PPP2R2B: variants seen among roughly 807,000 people sequenced by gnomAD.
PPP2R2B encodes serine/threonine-protein phosphatase 2A 55 kDa regulatory subunit B beta isoform.
A neutral mutation model predicts 46.0 loss-of-function variants in PPP2R2B; 5 were observed. The ratio of observed to expected loss-of-function variants is 0.11; its 90% CI spans 0.06 to 0.23. PPP2R2B has a LOEUF of 0.23. Ranked by LOEUF, PPP2R2B falls within the 10% of genes least tolerant of loss-of-function variation. PPP2R2B has a pLI of 1.00. For synonymous variants in PPP2R2B, 215 were observed against 206.7 expected, an observed-to-expected ratio of 1.04 and a Z score of -0.34; for missense variants, 367 against 575.0, an observed-to-expected ratio of 0.64 and a Z score of 3.70.
chr5:146,842,940 G>C (rs977649071), intron 2 of PPP2R2B, among the ~76,000 whole-genome samples: 1 of 152,236 alleles, frequency 6.6e-6, no homozygotes, highest in Non-Finnish European at 1.5e-5. Context: ...TGTAATCCCA[G>C]AACTTTGGGA....
intron 2 of PPP2R2B, among the ~76,000 whole-genome samples, chr5:146,716,855 G>A (rs1780526943): frequency 6.6e-6 from 1 of 152,190 alleles, no homozygotes; most frequent in Admixed American, 6.5e-5. Flanking sequence ...TGGTCTGAAT[G>A]TTGATAGATG....
intron 2 of PPP2R2B, among the ~76,000 whole-genome samples, chr5:146,736,826 G>A (rs1204437174): frequency 6.6e-6 from 1 of 152,084 alleles, no homozygotes; most frequent in South Asian, 2.1e-4. Context: ...TACATTTCTG[G>A]ATCACCTTTG....
At chr5:146,815,413 C>A (rs541780625) in intron 2 of PPP2R2B, among the ~76,000 whole-genome samples, 1 of 152,340 alleles carries the variant, frequency 6.6e-6, no homozygotes, top group South Asian at 2.1e-4. Flanking sequence ...TTTATCTTAG[C>A]AGGTTGCACA....
chr5:146,937,302 G>GAAA (rs202060447), intron 1 of PPP2R2B, among the ~76,000 whole-genome samples: 1 of 133,022 alleles, frequency 7.5e-6, no homozygotes, highest in African/African-American at 2.7e-5. Context: ...CTCCGTCTCA[G>GAAA]AAAAAAAAAA....
chr5:146,601,788 T>C (rs1438104817), intron 7 of PPP2R2B, among the ~76,000 whole-genome samples: 2 of 152,232 alleles, frequency 1.3e-5, no homozygotes, highest in African/African-American at 4.8e-5. Context: ...GGTCTGGACT[T>C]CTAGTGTAAC....
intron 1 of PPP2R2B, among the ~76,000 whole-genome samples, chr5:147,039,112 G>C (rs1019744366): frequency 1.2e-4 from 18 of 152,064 alleles, no homozygotes; most frequent in Non-Finnish European, 2.4e-4. Flanking sequence ...TCCCCACTGG[G>C]CTCTTCGCAT....
chr5:146,995,948 T>C (rs1753904555), intron 1 of PPP2R2B, among the ~76,000 whole-genome samples: 1 of 152,214 alleles, frequency 6.6e-6, no homozygotes, highest in Non-Finnish European at 1.5e-5. Context: ...ATGCTTCAAT[T>C]TGTTCTGAGG....
At position 146,976,730 on chromosome 5, in the gene PPP2R2B, T is replaced by C. The variant is rs560103187; in HGVS notation, c.79+78935A>G. On this transcript the variant is annotated intron_variant, in intron 1 of 8. Transcript: ENST00000336640. ...CCATATGGATTTATTTAATGTAGGCTAATTTTATATTCTGAGTAAGCAGGC... is the reference window on the plus strand; with the variant it reads ...CCATATGGATTTATTTAATGTAGGCCAATTTTATATTCTGAGTAAGCAGGC... Among the ~76,000 whole-genome samples, 13 of 152,338 alleles carry C rather than the reference T, an allele frequency of 8.5e-5. No homozygotes were observed. In the South Asian group the frequency reaches 2.7e-3, roughly 32 times the overall value.
intron 2 of PPP2R2B, among the ~76,000 whole-genome samples, chr5:146,794,593 G>C (rs565457198): frequency 7.2e-4 from 109 of 152,218 alleles, no homozygotes; most frequent in African/African-American, 2.6e-3. Flanking sequence ...TCAGAAATGC[G>C]CATATAACTC....
intron 1 of PPP2R2B, among the ~76,000 whole-genome samples, chr5:147,044,716 G>T (rs1410340030): frequency 6.6e-6 from 1 of 152,140 alleles, no homozygotes; most frequent in Non-Finnish European, 1.5e-5. Flanking sequence ...CCTAACCTTG[G>T]CTTGTAAGAC....
intron 5 of PPP2R2B, among the ~76,000 whole-genome samples, chr5:146,658,666 C>T (rs1052933565): frequency 2.0e-5 from 3 of 152,126 alleles, no homozygotes; most frequent in African/African-American, 7.2e-5. Context: ...CTCAGGAGTA[C>T]CCACAGCCTA....
At chr5:146,911,622 A>G (rs1306913549) in intron 1 of PPP2R2B, among the ~76,000 whole-genome samples, 2 of 152,212 alleles carry the variant, frequency 1.3e-5, no homozygotes, top group Non-Finnish European at 2.9e-5. Context: ...AGGGACGAGG[A>G]AGACACTTCT....
chr5:146,608,558 A>C (rs954499152), intron 7 of PPP2R2B, among the ~76,000 whole-genome samples: 2 of 152,154 alleles, frequency 1.3e-5, no homozygotes, highest in East Asian at 3.9e-4. Context: ...GCACTTTGGG[A>C]GGCCGAGGCA....
intron 2 of PPP2R2B, among the ~76,000 whole-genome samples, chr5:146,733,297 G>C (rs958668635): frequency 9.2e-5 from 14 of 152,164 alleles, no homozygotes; most frequent in Non-Finnish European, 1.5e-5. Context: ...GTATGGGACT[G>C]CTAAATGTTA....
Position 146,587,899 on chromosome 5 carries a change from A to ATGAT in PPP2R2B, c.*2044_*2047dup, listed in dbSNP as rs1770247829. On this transcript the variant is annotated 3_prime_UTR_variant, in exon 10 of 10. Transcript: ENST00000394411. Reference sequence around the variant, plus strand: ...AGTTGATTCTTAAGTTTGAGATACAATGATTGGTCCCAACCCCCGACGTGG... The same window carrying ATGAT: ...AGTTGATTCTTAAGTTTGAGATACAATGATTGATTGGTCCCAACCCCCGACGTGG... 6.6e-6 allele frequency: 1 copy of ATGAT among 152,252 alleles called. No individual in the cohort carries two copies. Among genetic ancestry groups the ATGAT allele is most frequent in the African/African-American group, 2.4e-5 (1 of 41,466 alleles). The allele number at this position is 152,252 out of a possible 1,614,324, so 9.4% of individuals were successfully genotyped here.
At chr5:146,775,579 T>C (rs1755133345) in intron 2 of PPP2R2B, among the ~76,000 whole-genome samples, 1 of 152,132 alleles carries the variant, frequency 6.6e-6, no homozygotes, top group South Asian at 2.1e-4. Flanking sequence ...CAAAGATGCC[T>C]GCTTTTATCA....
At chr5:146,700,663 G>T (rs1779482232) in intron 3 of PPP2R2B, among the ~76,000 whole-genome samples, 1 of 152,108 alleles carries the variant, frequency 6.6e-6, no homozygotes, top group African/African-American at 2.4e-5. Flanking sequence ...AATAAACTAT[G>T]TTTTTTTCCT....
At chr5:147,011,298 TG>T (rs1754719059) in intron 1 of PPP2R2B, among the ~76,000 whole-genome samples, 1 of 150,814 alleles carries the variant, frequency 6.6e-6, no homozygotes, top group African/African-American at 2.5e-5. Context: ...AAATTATAAA[TG>T]CCCCCCCCAT....
intron 2 of PPP2R2B, among the ~76,000 whole-genome samples, chr5:146,736,148 C>T (rs947141120): frequency 1.3e-5 from 2 of 152,154 alleles, no homozygotes; most frequent in Admixed American, 1.3e-4. Flanking sequence ...TCACTGGGCA[C>T]ACATTATTCT....
Sources: gnomAD v4.1 joint callset for allele counts (sites outside exome capture counted in the v4.1 genomes callset) on GRCh38, gnomAD v4.1.1 for gene constraint, MANE v1.5 for transcripts, NCBI Gene and HGNC (gene_info 2026-07-23, HGNC 2026-07-21) for gene names.